Variants in MRM3 observed in about 807,000 individuals in gnomAD.
The protein encoded by MRM3 is mitochondrial rRNA methyltransferase 3, also known as rRNA methyltransferase 3, mitochondrial.
In MRM3, 26 loss-of-function variants were observed where a neutral mutation model predicts 29.4. The observed-to-expected ratio is 0.89, with a 90% CI of 0.65 to 1.23. The LOEUF is 1.23. Among genes scored for constraint, MRM3 ranks in the 50% most tolerant of loss-of-function variants. The pLI is 0.00. For synonymous variants in MRM3, 225 were observed against 219.0 expected (o/e 1.03, Z -0.24); for missense variants, 578 against 540.2 (o/e 1.07, Z -0.69).
chr17:791,538 T>G lies in MRM3; in HGVS notation c.732T>G (p.Cys244Trp). The G allele has an allele frequency of 6.2e-7, 1 of 1,612,626 alleles. No homozygotes were observed. Among genetic ancestry groups the G allele is most frequent in the Non-Finnish European group, 8.5e-7 (1 of 1,178,830 alleles). ...GCSKVLLTKGCVDAWEPKVLR... is the reference protein window; with the variant it reads ...GCSKVLLTKGWVDAWEPKVLR... Reference sequence around the variant, plus strand: ...TGTTTCCTTTTTATTTTCCAGGCTGTGTGGATGCCTGGGAGCCCAAAGTGC... The same window carrying G: ...TGTTTCCTTTTTATTTTCCAGGCTGGGTGGATGCCTGGGAGCCCAAAGTGC... The change falls in exon 4 of 4, where the codon TGT becomes TGG. Residue 244 changes from cysteine to tryptophan, a missense_variant. Transcript: ENST00000304478.
chr17:783,347 ATCT>A lies in MRM3; in HGVS notation c.559+22_559+24del, dbSNP rs781635202. The A allele has an allele frequency of 3.5e-6, 5 of 1,444,898 alleles. No individual in the cohort carries two copies. In the South Asian group the frequency reaches 3.9e-5, roughly 11 times the overall value. The allele number at this position is 1,444,898 out of a possible 1,614,324, so 89.5% of individuals were successfully genotyped here. On this transcript the variant is annotated intron_variant, in intron 2 of 3. Coordinates refer to ENST00000304478, the MANE Select transcript of MRM3 (RefSeq NM_018146.4). ...TAATGGGTTAGTGATTACCCAGTGTATCTTTTTTTTTTTTTGTCTTGTTCTGTC... is the reference window on the plus strand; with the variant it reads ...TAATGGGTTAGTGATTACCCAGTGTATTTTTTTTTTTTGTCTTGTTCTGTC...
rs749659941 is a variant in MRM3, at chr17:791,541, G to A, written c.735G>A (p.Val245=). The change falls in exon 4 of 4, where the codon GTG becomes GTA. Residue 245 remains valine, a synonymous_variant. Coordinates refer to ENST00000304478, the MANE Select transcript of MRM3 (RefSeq NM_018146.4). The part of the protein sequence containing the change: ...CSKVLLTKGC[V]DAWEPKVLRA... Reference sequence around the variant, plus strand: ...TTCCTTTTTATTTTCCAGGCTGTGTGGATGCCTGGGAGCCCAAAGTGCTCC... The same window carrying A: ...TTCCTTTTTATTTTCCAGGCTGTGTAGATGCCTGGGAGCCCAAAGTGCTCC... 1 of 1,613,040 alleles carries A rather than the reference G, an allele frequency of 6.2e-7. No individual in the cohort carries two copies. The highest frequency in any genetic ancestry group is 8.5e-7 in the Non-Finnish European group (1 of 1,179,148).
chr17:783,431 G>A, intron 2 of MRM3, 104 bp downstream of exon 2: 1 of 1,171,524 alleles, frequency 8.5e-7, no homozygotes, highest in East Asian at 2.7e-5. Flanking sequence ...CCGCCTCTCG[G>A]GTTCAAGGGA....
At chr17:789,727 A>G (rs1910706967) in intron 3 of MRM3, 1 of 152,180 alleles carries the variant, frequency 6.6e-6, no homozygotes, top group South Asian at 2.1e-4. Context: ...TCGCCCCATT[A>G]TTTAGTGCTC....
rs1910150848 is a variant in MRM3, at chr17:782,404, G to A, written c.26G>A (p.Arg9Lys). The change falls in exon 1 of 4, where the codon AGG becomes AAG. Residue 9 changes from arginine to lysine, a missense_variant. By Grantham distance (26) the Arg-to-Lys change is conservative. Transcript: ENST00000304478. MAALVRPA[R>K]FVVRPLLQVV... ...ATGGCGGCGCTGGTGAGACCCGCGAGGTTTGTCGTGCGACCGTTGCTGCAG... is the reference window on the plus strand; with the variant it reads ...ATGGCGGCGCTGGTGAGACCCGCGAAGTTTGTCGTGCGACCGTTGCTGCAG... 3 of 1,613,868 alleles carry A rather than the reference G, an allele frequency of 1.9e-6. No homozygotes were observed. The highest frequency in any genetic ancestry group is 2.5e-6 in the Non-Finnish European group (3 of 1,179,944).
intron 3 of MRM3, 121 bp from the exon 4 acceptor site, chr17:791,413 C>T (rs905696778): frequency 2.0e-6 from 2 of 1,025,118 alleles, no homozygotes; most frequent in African/African-American, 3.3e-5. Context: ...TCCCATCCCT[C>T]AAGAAAGCTA....
intron 3 of MRM3, 89 bp downstream of exon 3, chr17:788,221 A>G: frequency 1.5e-6 from 2 of 1,306,254 alleles, no homozygotes; most frequent in Non-Finnish European, 2.1e-6. Flanking sequence ...TGAGCCCAGG[A>G]GTTCAGGACC....
At chr17:786,942 A>G (rs530665219) in intron 2 of MRM3, among the ~76,000 whole-genome samples, 11 of 152,302 alleles carry the variant, frequency 7.2e-5, no homozygotes, top group African/African-American at 2.6e-4. Context: ...ACTGTGGTAC[A>G]TTCATACTAC....
In MRM3 at chr17:791,533, G is replaced by A. The variant is rs1268583048; in HGVS notation, c.728-1G>A. 3 of 1,611,452 alleles carry A rather than the reference G, an allele frequency of 1.9e-6. No individual in the cohort carries two copies. The African/African-American group carries it at 4.0e-5, about 22-fold the overall frequency. On this transcript the variant is annotated splice_acceptor_variant, in intron 3 of 3. Coordinates refer to ENST00000304478, the MANE Select transcript of MRM3 (RefSeq NM_018146.4). LOFTEE classifies it high-confidence loss of function. ...TTGATTGTTTCCTTTTTATTTTCCA[G>A]GCTGTGTGGATGCCTGGGAGCCCAA...
chr17:783,902 A>T (rs1207059659), intron 2 of MRM3, among the ~76,000 whole-genome samples: 1 of 152,160 alleles, frequency 6.6e-6, no homozygotes, highest in African/African-American at 2.4e-5. Context: ...TGTCAGATTA[A>T]AAATTAAGAA....
chr17:788,090 T>C lies in MRM3; in HGVS notation c.685T>C (p.Ser229Pro). Residue 229 changes from serine (S) to proline (P), a missense_variant, in exon 3 of 4, where the codon TCT becomes CCT. By Grantham distance (74) the Ser-to-Pro change is moderately conservative. Transcript: ENST00000304478. ...TGGGAACCTGGGGACAATTCTGAGATCTGCAGCTGGGGCAGGCTGCAGCAA... is the reference window on the plus strand; with the variant it reads ...TGGGAACCTGGGGACAATTCTGAGACCTGCAGCTGGGGCAGGCTGCAGCAA... Reference protein sequence around the residue: ...DPGNLGTILRSAAGAGCSKVL... With the variant: ...DPGNLGTILRPAAGAGCSKVL... 1 of 1,614,194 alleles carries C rather than the reference T, an allele frequency of 6.2e-7. No homozygotes were observed.
At position 782,642 on chromosome 17, in the gene MRM3, A is replaced by G. The variant is rs1910189778; in HGVS notation, c.264A>G (p.Glu88=). 1.2e-6 allele frequency: 2 copies of G among 1,613,632 alleles called. No homozygotes were observed. The highest frequency in any genetic ancestry group is 1.1e-5 in the South Asian group (1 of 91,078). The change falls in exon 1 of 4, where the codon GAA becomes GAG. Residue 88 remains glutamate (E), a synonymous_variant. Transcript: ENST00000304478. The part of the protein sequence containing the change: ...ESASRAPSTW[E]ESGLRYDKAY... The stretch of plus-strand genomic sequence containing the variant: ...CATCCCGCGCTCCCAGCACCTGGGA[A>G]GAGTCTGGGCTTCGCTACGATAAAG...
chr17:786,709 G>A (rs1379501973), intron 2 of MRM3, among the ~76,000 whole-genome samples: 4 of 152,102 alleles, frequency 2.6e-5, no homozygotes, highest in Admixed American at 1.3e-4. Flanking sequence ...GCGCCCAGCC[G>A]AAAACAGGTA....
intron 2 of MRM3, among the ~76,000 whole-genome samples, chr17:785,740 T>C (rs911457673): frequency 5.9e-5 from 9 of 152,364 alleles, no homozygotes; most frequent in African/African-American, 1.9e-4. Context: ...GCATTCAAGT[T>C]TTGAAATTCA....
Position 782,604 on chromosome 17 carries a change from C to A in MRM3, c.226C>A (p.Leu76Ile), listed in dbSNP as rs761274880. ...CCAGGAGCAACGAGAGAAACAACCG[C>A]TCGAGGAGTCCGCATCCCGCGCTCC... ...SAQEQREKQP[L>I]EESASRAPST... Residue 76 changes from leucine (L) to isoleucine (I), a missense_variant, in exon 1 of 4, where the codon CTC (leucine) becomes ATC (isoleucine). By Grantham distance (5) the Leu-to-Ile change is conservative. Coordinates refer to ENST00000304478, the MANE Select transcript of MRM3 (RefSeq NM_018146.4). 3.4e-5 allele frequency: 55 copies of A among 1,613,928 alleles called. No individual in the cohort carries two copies. Among genetic ancestry groups the A allele is most frequent in the Non-Finnish European group, 6.8e-6 (8 of 1,180,008 alleles).
intron 3 of MRM3, 37 bp downstream of exon 3, chr17:788,169 T>G: frequency 6.2e-7 from 1 of 1,608,008 alleles, no homozygotes; most frequent in Admixed American, 1.7e-5. Context: ...TGGCTCACAC[T>G]CGTAATCCAG....
At chr17:788,472 C>CTTTTTT (rs56865712) in intron 3 of MRM3, among the ~76,000 whole-genome samples, 86 of 121,018 alleles carry the variant, frequency 7.1e-4, no homozygotes, top group African/African-American at 2.6e-3. Context: ...TTGGTCTGGT[C>CTTTTTT]TTTTTTTTTT....
In MRM3 at chr17:787,927, C is replaced by T. The variant is rs1470826398; in HGVS notation, c.560-38C>T. The T allele has an allele frequency of 6.2e-7, 1 of 1,601,890 alleles. No homozygotes were observed. Among genetic ancestry groups the T allele is most frequent in the South Asian group, 1.1e-5 (1 of 90,720 alleles). ...GAAAAGTCAGACTATTCCCCGTGCC[C>T]ACACCAGGCAAGTAAACCACCTGTT... On this transcript the variant is annotated intron_variant, in intron 2 of 3. Coordinates refer to ENST00000304478, the MANE Select transcript of MRM3 (RefSeq NM_018146.4). This position sits in a 1 kb window ranked among gnomAD's most constrained non-coding sequence, Gnocchi z 4.1.
At position 791,881 on chromosome 17, in the gene MRM3, A is replaced by G; in HGVS notation, c.1075A>G (p.Thr359Ala). 1 of 1,613,762 alleles carries G rather than the reference A, an allele frequency of 6.2e-7. No individual in the cohort carries two copies. Among genetic ancestry groups the G allele is most frequent in the Non-Finnish European group, 8.5e-7 (1 of 1,180,026 alleles). The stretch of plus-strand genomic sequence containing the variant: ...GGCAGCTGTGGTGATTGGCGGGGAG[A>G]CCTACGGCGTGAGCCTGGAGTCCCT... ...APAAVVIGGETYGVSLESLQL... is the reference protein window; with the variant it reads ...APAAVVIGGEAYGVSLESLQL... Residue 359 changes from threonine to alanine, a missense_variant, in exon 4 of 4, where the codon ACC (threonine) becomes GCC (alanine). By Grantham distance (58) the Thr-to-Ala change is moderately conservative. Coordinates refer to ENST00000304478, the MANE Select transcript of MRM3 (RefSeq NM_018146.4).
Sources: allele counts gnomAD v4.1 joint callset (sites outside exome capture counted in the v4.1 genomes callset), GRCh38; gene constraint gnomAD v4.1.1; non-coding constraint Gnocchi (gnomAD v3.1); transcripts MANE v1.5; gene names NCBI Gene and HGNC (gene_info 2026-07-23, HGNC 2026-07-21).